The following CEP128 variants were observed in gnomAD, a reference collection of about 807,000 sequenced individuals.
CEP128 encodes centrosomal protein 128kDa.
CEP128 carries 132 observed loss-of-function variants against 156.7 expected under a neutral mutation model. That is an observed-to-expected ratio of 0.84 (90% confidence interval 0.73 to 0.97). The LOEUF (loss-of-function observed/expected upper bound fraction) is 0.97, where lower values mean the gene tolerates loss of function less well. Among genes scored for constraint, CEP128 ranks in the 50% least tolerant of loss-of-function variants. CEP128 has a pLI of 0.00. For missense variants in CEP128, 1,252 were observed against 1,281.9 expected (o/e 0.98, Z 0.36); for synonymous variants, 469 against 448.9 (o/e 1.04, Z -0.57).
intron 19 of CEP128, among the ~76,000 whole-genome samples, chr14:80,727,888 A>C (rs1168187664): frequency 6.6e-6 from 1 of 152,194 alleles, no homozygotes; most frequent in Non-Finnish European, 1.5e-5. Flanking sequence ...TGCAGAGAAA[A>C]GGGAATGCTT....
At chr14:80,821,722 C>G (rs1490629584) in intron 13 of CEP128, among the ~76,000 whole-genome samples, 1 of 151,594 alleles carries the variant, frequency 6.6e-6, no homozygotes, top group Non-Finnish European at 1.5e-5. Flanking sequence ...TCCACCCAGA[C>G]TGGAGTGAAG....
chr14:80,871,778 C>G (rs1206425578), intron 8 of CEP128, among the ~76,000 whole-genome samples: 1 of 151,860 alleles, frequency 6.6e-6, no homozygotes, highest in Non-Finnish European at 1.5e-5. Flanking sequence ...ACCAAAAATT[C>G]CTAAATCTCC....
intron 19 of CEP128, among the ~76,000 whole-genome samples, chr14:80,590,457 A>T (rs1307854037): frequency 6.6e-6 from 1 of 152,134 alleles, no homozygotes; most frequent in Non-Finnish European, 1.5e-5. Flanking sequence ...ATTTTTTAAA[A>T]ATGCTAAAAA....
intron 19 of CEP128, among the ~76,000 whole-genome samples, chr14:80,731,585 C>T (rs899945559): frequency 6.6e-6 from 1 of 152,018 alleles, no homozygotes; most frequent in Non-Finnish European, 1.5e-5. Context: ...CTTTTAAATA[C>T]AGGAACAACA....
chr14:80,522,078 C>T (rs1389693664), intron 23 of CEP128, among the ~76,000 whole-genome samples: 2 of 152,114 alleles, frequency 1.3e-5, no homozygotes, highest in Admixed American at 6.5e-5. Context: ...CCCATGGTTG[C>T]CACTACTATT....
chr14:80,802,653 G>T (rs763309511), intron 13 of CEP128, among the ~76,000 whole-genome samples: 3 of 150,132 alleles, frequency 2.0e-5, no homozygotes, highest in Non-Finnish European at 3.0e-5. Flanking sequence ...CATGTATCCC[G>T]TTTTTTTTTA....
intron 19 of CEP128, among the ~76,000 whole-genome samples, chr14:80,660,108 A>G (rs1895336209): frequency 6.6e-6 from 1 of 152,178 alleles, no homozygotes; most frequent in Admixed American, 6.6e-5. Flanking sequence ...ACATTGAATT[A>G]GCTAGGTTAT....
At chr14:80,606,800 C>T (rs1263225722) in intron 19 of CEP128, among the ~76,000 whole-genome samples, 1 of 151,922 alleles carries the variant, frequency 6.6e-6, no homozygotes, top group Non-Finnish European at 1.5e-5. Context: ...AGCAGAAAAG[C>T]CTGGATCCTG....
chr14:80,511,386 A>G (rs944697918), intron 23 of CEP128, among the ~76,000 whole-genome samples: 1 of 151,884 alleles, frequency 6.6e-6, no homozygotes, highest in Non-Finnish European at 1.5e-5. Flanking sequence ...TTTCCTATTT[A>G]TTGGCATATA....
intron 6 of CEP128, among the ~76,000 whole-genome samples, chr14:80,901,849 C>T (rs943284978): frequency 9.2e-5 from 14 of 152,336 alleles, no homozygotes; most frequent in Admixed American, 3.9e-4. Context: ...AATTGGTTCA[C>T]CCACATTGAA....
chr14:80,900,329 G>C (rs1883474394), intron 6 of CEP128, among the ~76,000 whole-genome samples: 1 of 152,176 alleles, frequency 6.6e-6, no homozygotes, highest in Admixed American at 6.5e-5. Flanking sequence ...AGAAAAAAGA[G>C]AGAGCGAGAA....
intron 19 of CEP128, among the ~76,000 whole-genome samples, chr14:80,659,877 C>T (rs143625104): frequency 8.4e-4 from 128 of 152,192 alleles, no homozygotes; most frequent in African/African-American, 2.8e-3. Context: ...ATTATCATGA[C>T]GGATTTTGTC....
chr14:80,784,199 C>T (rs1038756465), intron 15 of CEP128, among the ~76,000 whole-genome samples: 5 of 151,480 alleles, frequency 3.3e-5, no homozygotes, highest in African/African-American at 1.2e-4. Flanking sequence ...GACTAAAATC[C>T]CTATCCTCAG....
At chr14:80,780,805 G>A (rs1901066972) in intron 15 of CEP128, among the ~76,000 whole-genome samples, 2 of 152,184 alleles carry the variant, frequency 1.3e-5, no homozygotes, top group African/African-American at 4.8e-5. Context: ...AGCATCTTCT[G>A]TATGTCTGGA....
chr14:80,877,238 A>C (rs551248414), intron 8 of CEP128, among the ~76,000 whole-genome samples: 1 of 152,252 alleles, frequency 6.6e-6, no homozygotes, highest in East Asian at 1.9e-4. Flanking sequence ...ACGAAAAAAA[A>C]CACACACAAA....
rs544942806 is a variant in CEP128, at chr14:80,617,564, TG to T, written c.2807-37142del. 1.5e-4 allele frequency among the ~76,000 whole-genome samples: 22 copies of T among 151,724 alleles called. No individual in the cohort carries two copies. The East Asian group carries it at 4.1e-3, about 28-fold the overall frequency. ...ATATCATCTTTTAAAGAACATAAGG[TG>T]GGGGGTGGACTGGTAATAACTACTC... On this transcript the variant is annotated intron_variant, in intron 19 of 24. Coordinates refer to ENST00000555265, the MANE Select transcript of CEP128 (RefSeq NM_152446.5).
chr14:80,653,471 C>A (rs1001825478), intron 19 of CEP128, among the ~76,000 whole-genome samples: 2 of 152,084 alleles, frequency 1.3e-5, no homozygotes, highest in African/African-American at 4.8e-5. Context: ...GAAGATCTAG[C>A]TAAGATAAGT....
chr14:80,912,297 C>A (rs978053120), intron 4 of CEP128, among the ~76,000 whole-genome samples: 1 of 151,662 alleles, frequency 6.6e-6, no homozygotes, highest in Admixed American at 6.6e-5. Flanking sequence ...GACAATGGAT[C>A]CCTCGTTGAA....
At chr14:80,533,828 T>C (rs1241432189) in intron 21 of CEP128, among the ~76,000 whole-genome samples, 2 of 152,188 alleles carry the variant, frequency 1.3e-5, no homozygotes, top group African/African-American at 2.4e-5. Context: ...TTCATCCTTA[T>C]ATTCTAGTCA....
Sources: gnomAD v4.1 joint callset for allele counts (sites outside exome capture counted in the v4.1 genomes callset) on GRCh38, gnomAD v4.1.1 for gene constraint, MANE v1.5 for transcripts, NCBI Gene and HGNC (gene_info 2026-07-23, HGNC 2026-07-21) for gene names.